The following GPC3 variants were observed in gnomAD, a reference collection of about 807,000 sequenced individuals.
GPC3 encodes the protein glypican-3.
GPC3 carries 3 observed loss-of-function variants against 34.4 expected under a neutral mutation model. The observed-to-expected ratio is 0.09, with a 90% confidence interval of 0.04 to 0.23. GPC3 has a LOEUF of 0.23. Ranked by LOEUF, GPC3 falls within the 10% of genes least tolerant of loss-of-function variation. GPC3 has a pLI of 1.00. For synonymous variants in GPC3, 177 were observed against 174.0 expected (o/e 1.02, Z -0.13); for missense variants, 351 against 445.6 (o/e 0.79, Z 1.91).
intron 2 of GPC3, among the ~76,000 whole-genome samples, chrX:133,854,546 A>G (rs2075890902): frequency 8.9e-6 from 1 of 112,071 alleles, no homozygotes; most frequent in Non-Finnish European, 1.9e-5. Flanking sequence ...TATATTAGCA[A>G]GGCAATCATT....
chrX:133,780,541 C>T (rs1362620559), intron 2 of GPC3, among the ~76,000 whole-genome samples: 1 of 111,597 alleles, frequency 9.0e-6, no homozygotes, highest in Admixed American at 9.5e-5. Context: ...AAGCCTGGAC[C>T]TGAGCTAATT....
intron 6 of GPC3, among the ~76,000 whole-genome samples, chrX:133,607,681 AG>A (rs769821128): frequency 8.9e-6 from 1 of 112,442 alleles, no homozygotes; most frequent in African/African-American, 3.2e-5. Flanking sequence ...CTGATTCCAC[AG>A]CTAGATAGCA....
intron 6 of GPC3, among the ~76,000 whole-genome samples, chrX:133,659,395 C>A (rs2070696606): frequency 8.9e-6 from 1 of 111,780 alleles, no homozygotes. Context: ...GGTCCGCCCA[C>A]AGGTCTTCAC....
intron 2 of GPC3, among the ~76,000 whole-genome samples, chrX:133,842,882 C>A (rs1469769575): frequency 9.0e-6 from 1 of 111,072 alleles, no homozygotes; most frequent in East Asian, 2.8e-4. Flanking sequence ...CAGGCTTGGC[C>A]CTGCATGACC....
Position 133,616,697 on chromosome X carries a change from ATTT to A in GPC3, c.1414-20101_1414-20099del, listed in dbSNP as rs765661060. On this transcript the variant is annotated intron_variant, in intron 6 of 7. Coordinates refer to ENST00000370818, the MANE Select transcript of GPC3 (RefSeq NM_004484.4). ...AATATAATTGAGAGTACAGAAATTG[ATTT>A]TTTTTTTTTTTTTTTGAGATGGAGT... 1.7e-3 allele frequency among the ~76,000 whole-genome samples: 161 copies of A among 95,244 alleles called. 1 individual carries two copies. Among genetic ancestry groups the A allele is most frequent in the African/African-American group, 5.9e-3 (152 of 25,864 alleles). 82.7% of individuals were successfully genotyped at this position (95,244 alleles called of 115,157 possible).
chrX:133,831,335 T>C (rs139763076), intron 2 of GPC3, among the ~76,000 whole-genome samples: 2,122 of 112,426 alleles, frequency 0.019, 26 homozygotes, highest in Non-Finnish European at 0.025. Flanking sequence ...TGAGATATTA[T>C]CACTGGGGGA....
intron 3 of GPC3, among the ~76,000 whole-genome samples, chrX:133,733,350 T>C (rs749130198): frequency 1.6e-4 from 18 of 111,187 alleles, no homozygotes; most frequent in Admixed American, 7.6e-4. Context: ...CAATATACAC[T>C]ACTCTGGTGA....
chrX:133,923,797 C>T lies in GPC3; in HGVS notation c.337+29253G>A, dbSNP rs867150062. Among the ~76,000 whole-genome samples, 7 of 112,484 alleles carry T rather than the reference C, an allele frequency of 6.2e-5. No homozygotes were observed. In the South Asian group the frequency reaches 1.1e-3, roughly 18 times the overall value. On this transcript the variant is annotated intron_variant, in intron 2 of 7. Transcript: ENST00000370818. The stretch of plus-strand genomic sequence containing the variant: ...AAGCTGGATCTTCCAAAGATGATAA[C>T]ATCAGCTCCCATTTAATTATGAAAA...
intron 2 of GPC3, among the ~76,000 whole-genome samples, chrX:133,890,511 A>G (rs1308374604): frequency 1.8e-5 from 2 of 110,532 alleles, no homozygotes; most frequent in African/African-American, 6.6e-5. Flanking sequence ...TGAGCCTAGG[A>G]ACTCAAGACC....
At chrX:133,827,830 A>G (rs2124541114) in intron 2 of GPC3, among the ~76,000 whole-genome samples, 1 of 106,896 alleles carries the variant, frequency 9.4e-6, no homozygotes, top group African/African-American at 3.4e-5. Context: ...CTGTAACCCC[A>G]GCTACTCGGG....
intron 6 of GPC3, among the ~76,000 whole-genome samples, chrX:133,655,080 A>G (rs777946999): frequency 8.9e-6 from 1 of 112,001 alleles, no homozygotes; most frequent in Admixed American, 9.5e-5. Context: ...GGACTAAAAT[A>G]CATGACCTAA....
intron 3 of GPC3, chrX:133,704,176 T>C: frequency 1.0e-6 from 1 of 959,966 alleles, no homozygotes; most frequent in Middle Eastern, 2.7e-4. Context: ...AGGACTTCAC[T>C]GTGACCTGGT....
At chrX:133,736,461 A>C (rs751489480) in intron 3 of GPC3, among the ~76,000 whole-genome samples, 1 of 112,290 alleles carries the variant, frequency 8.9e-6, no homozygotes, top group Admixed American at 9.4e-5. Context: ...ATAACCAAGA[A>C]GTGGAAGAAA....
At chrX:133,738,658 C>G (rs1227296957) in intron 3 of GPC3, among the ~76,000 whole-genome samples, 1 of 111,985 alleles carries the variant, frequency 8.9e-6, no homozygotes, top group Non-Finnish European at 1.9e-5. Flanking sequence ...CAGCTTGAGT[C>G]TTCCCTCTAT....
rs181687021 is a variant in GPC3 at position 133,831,204 on chromosome X, C to T, written c.338-77028G>A. On this transcript the variant is annotated intron_variant, in intron 2 of 7. Transcript: ENST00000370818. ...TTATCATGATGTGTACTTGAATCTA[C>T]ACATTTAGTAAGATTTAACAAAATA... Among the ~76,000 whole-genome samples the T allele has an allele frequency of 2.6e-3, 288 of 111,760 alleles. 1 individual carries two copies. The highest frequency in any genetic ancestry group is 8.7e-3 in the African/African-American group (268 of 30,802).
chrX:133,570,804 C>T (rs1451700157), intron 7 of GPC3, among the ~76,000 whole-genome samples: 1 of 111,206 alleles, frequency 9.0e-6, no homozygotes, highest in East Asian at 2.8e-4. Flanking sequence ...TCTTGGCCAT[C>T]TTTATATTGT....
chrX:133,693,168 T>C (rs1435882701), intron 4 of GPC3, among the ~76,000 whole-genome samples: 1 of 102,324 alleles, frequency 9.8e-6, no homozygotes, highest in Non-Finnish European at 1.9e-5. Context: ...TGTGTGTGTG[T>C]GTGTGTGTGT....
intron 3 of GPC3, among the ~76,000 whole-genome samples, chrX:133,734,203 C>A (rs1282953855): frequency 9.0e-6 from 1 of 111,475 alleles, no homozygotes; most frequent in East Asian, 2.8e-4. Flanking sequence ...CATGACCAGG[C>A]GAGATTTATC....
chrX:133,634,164 C>T (rs766797531), intron 6 of GPC3, among the ~76,000 whole-genome samples: 3 of 111,529 alleles, frequency 2.7e-5, no homozygotes, highest in Admixed American at 9.6e-5. Flanking sequence ...CTATAATCAA[C>T]GAATGACAAT....
Sources: allele counts gnomAD v4.1 joint callset (sites outside exome capture counted in the v4.1 genomes callset), GRCh38; gene constraint gnomAD v4.1.1; transcripts MANE v1.5; gene names NCBI Gene and HGNC (gene_info 2026-07-23, HGNC 2026-07-21).